Variants in CD300LD observed in about 807,000 individuals in gnomAD.
CD300LD encodes CMRF35-like molecule 5.
In CD300LD, 18 loss-of-function variants were observed where a neutral mutation model predicts 20.3. The observed-to-expected ratio is 0.89, with a 90% CI of 0.61 to 1.32. The LOEUF is 1.32. Among genes scored for constraint, CD300LD ranks in the 40% most tolerant of loss-of-function variants. CD300LD has a pLI of 0.00. For synonymous variants in CD300LD, 104 were observed against 90.1 expected, an observed-to-expected ratio of 1.15 and a Z score of -0.87; for missense variants, 195 against 226.6, an observed-to-expected ratio of 0.86 and a Z score of 0.90.
At chr17:74,588,312 C>G (rs1360889244) in intron 2 of CD300LD, among the ~76,000 whole-genome samples, 199 bp downstream of exon 2, 1 of 152,188 alleles carries the variant, frequency 6.6e-6, no homozygotes, top group African/African-American at 2.4e-5. Flanking sequence ...GGCCTTGTCT[C>G]TCAATACTGC....
chr17:74,585,662 C>G (rs902306293), intron 2 of CD300LD, among the ~76,000 whole-genome samples: 1 of 152,146 alleles, frequency 6.6e-6, no homozygotes, highest in African/African-American at 2.4e-5. Context: ...GAATTGAAAG[C>G]GAGTGTAGTT....
chr17:74,591,560 T>G (rs2030318659), intron 1 of CD300LD, among the ~76,000 whole-genome samples: 1 of 152,034 alleles, frequency 6.6e-6, no homozygotes, highest in Non-Finnish European at 1.5e-5. Flanking sequence ...CCAAGAGAAC[T>G]GAAAACATAT....
rs1264431317 is a variant in CD300LD at position 74,579,896 on chromosome 17, AAAG to A, written c.*103_*105del. 3.1e-6 allele frequency: 2 copies of A among 651,750 alleles called. No homozygotes were observed. The highest frequency in any genetic ancestry group is 5.4e-6 in the Non-Finnish European group (2 of 372,568). The allele number at this position is 651,750 out of a possible 1,614,324, so 40.4% of individuals were successfully genotyped here. On this transcript the variant is annotated 3_prime_UTR_variant, in exon 4 of 4. Transcript: ENST00000375352. ...CAAGACTCTATCTCTAGAAAGAAAA[AAAG>A]AAGAGAAAAGAAAATGTTTTTTCTT... is the stretch of plus-strand genomic sequence containing the variant.
At chr17:74,583,438 C>T (rs2030082854) in intron 2 of CD300LD, among the ~76,000 whole-genome samples, 2 of 152,200 alleles carry the variant, frequency 1.3e-5, no homozygotes, top group Admixed American at 1.3e-4. Context: ...GGAGGGAGGC[C>T]TCAGGCTCAA....
chr17:74,581,855 G>C (rs1482792921), intron 3 of CD300LD, among the ~76,000 whole-genome samples: 2 of 152,158 alleles, frequency 1.3e-5, no homozygotes, highest in Non-Finnish European at 2.9e-5. Flanking sequence ...TTTCCTCAAA[G>C]GTAAACTGAG....
chr17:74,590,270 C>T (rs1490582512), intron 1 of CD300LD, among the ~76,000 whole-genome samples: 2 of 152,118 alleles, frequency 1.3e-5, no homozygotes, highest in African/African-American at 4.8e-5. Flanking sequence ...GATTGTGAGG[C>T]CTCCCCAGTC....
chr17:74,580,989 G>A (rs888243531), intron 3 of CD300LD, among the ~76,000 whole-genome samples: 2 of 151,990 alleles, frequency 1.3e-5, no homozygotes, highest in Admixed American at 1.3e-4. Flanking sequence ...ATGGGACTGA[G>A]GGTATTTGGG....
intron 2 of CD300LD, 72 bp downstream of exon 2, chr17:74,588,439 C>T (rs569774993): frequency 2.1e-6 from 2 of 962,232 alleles, no homozygotes; most frequent in South Asian, 1.6e-5. Flanking sequence ...AGTTAATTTA[C>T]TCAAGTGGGA....
chr17:74,590,031 C>A (rs537050478), intron 1 of CD300LD, among the ~76,000 whole-genome samples: 1 of 152,306 alleles, frequency 6.6e-6, no homozygotes, highest in African/African-American at 2.4e-5. Flanking sequence ...TTGTCTGTGT[C>A]CTCACCCAAA....
intron 3 of CD300LD, among the ~76,000 whole-genome samples, chr17:74,581,224 C>G (rs1226113384): frequency 1.3e-5 from 2 of 151,688 alleles, no homozygotes; most frequent in Non-Finnish European, 2.9e-5. Flanking sequence ...GTGGGTGGAG[C>G]TCTGCAGATG....
intron 3 of CD300LD, among the ~76,000 whole-genome samples, chr17:74,580,903 A>T (rs2030020801): frequency 1.4e-5 from 1 of 71,044 alleles, no homozygotes; most frequent in Non-Finnish European, 2.4e-5. Context: ...CCATCTCTAA[A>T]AAAAAAAAAA....
intron 3 of CD300LD, among the ~76,000 whole-genome samples, chr17:74,580,476 G>A (rs935961163): frequency 4.6e-5 from 7 of 152,198 alleles, no homozygotes; most frequent in South Asian, 2.1e-4. Flanking sequence ...CGCCCTCATC[G>A]CTGCCTGTGC....
chr17:74,589,660 T>C (rs11654897), intron 1 of CD300LD, among the ~76,000 whole-genome samples: 5 of 152,176 alleles, frequency 3.3e-5, no homozygotes, highest in Non-Finnish European at 7.3e-5. Context: ...TTGAAAACAA[T>C]TCAAAACAGT....
chr17:74,591,250 C>CAAAA (rs1210132799), intron 1 of CD300LD, among the ~76,000 whole-genome samples: 2 of 33,914 alleles, frequency 5.9e-5, no homozygotes. Flanking sequence ...CTCATCTCTA[C>CAAAA]AAAAAAAAAA....
chr17:74,588,699 A>C lies in CD300LD; in HGVS notation c.191T>G (p.Leu64Arg). The C allele has an allele frequency of 6.2e-7, 1 of 1,614,176 alleles. No individual in the cohort carries two copies. The highest frequency in any genetic ancestry group is 8.5e-7 in the Non-Finnish European group (1 of 1,180,036). Residue 64 changes from leucine (L) to arginine (R), a missense_variant, in exon 2 of 4, where the codon CTT becomes CGT. Coordinates refer to ENST00000375352, the MANE Select transcript of CD300LD (RefSeq NM_001115152.2). ...QGADWNYCNI[L>R]VKTNGSEQEV... ...CTGCTCTGATCCATTTGTTTTAACA[A>C]GGATGTTACAGTAATTCCAATCAGC...
At chr17:74,581,570 TC>T (rs745656649) in intron 3 of CD300LD, among the ~76,000 whole-genome samples, 1 of 152,172 alleles carries the variant, frequency 6.6e-6, no homozygotes, top group East Asian at 1.9e-4. Context: ...ACTTCCAGCT[TC>T]CCCCTTTCCC....
Position 74,588,571 on chromosome 17 carries a change from A to G in CD300LD, c.319T>C (p.Cys107Arg), listed in dbSNP as rs377452480. Residue 107 changes from cysteine to arginine, a missense_variant, in exon 2 of 4, where the codon TGT becomes CGT. Coordinates refer to ENST00000375352, the MANE Select transcript of CD300LD (RefSeq NM_001115152.2). Reference sequence around the variant, plus strand: ...TCAATTCCAGGTCTCTCAGTCCCACACCAATAACTGTCAGCATCATCTCTT... The same window carrying G: ...TCAATTCCAGGTCTCTCAGTCCCACGCCAATAACTGTCAGCATCATCTCTT... ...LKRDDADSYW[C>R]GTERPGIDLG... 82 of 1,614,044 alleles carry G rather than the reference A, an allele frequency of 5.1e-5. No individual in the cohort carries two copies. The African/African-American group carries it at 9.9e-4, about 19-fold the overall frequency.
At chr17:74,578,915 G>T (rs1426800127), downstream of CD300LD, among the ~76,000 whole-genome samples, 2 of 152,176 alleles carry the variant, frequency 1.3e-5, no homozygotes. Flanking sequence ...CCAGCTCACA[G>T]TTCTAGCTCT....
At chr17:74,589,721 C>G (rs1374464184) in intron 1 of CD300LD, among the ~76,000 whole-genome samples, 1 of 152,156 alleles carries the variant, frequency 6.6e-6, no homozygotes, top group African/African-American at 2.4e-5. Flanking sequence ...ATTCAACTGA[C>G]CTAAAGGGAG....
Sources: gnomAD v4.1 joint callset for allele counts (sites outside exome capture counted in the v4.1 genomes callset) on GRCh38, gnomAD v4.1.1 for gene constraint, MANE v1.5 for transcripts, NCBI Gene and HGNC (gene_info 2026-07-23, HGNC 2026-07-21) for gene names.